The following SLC23A2 variants were observed in gnomAD, a reference collection of about 807,000 sequenced individuals.
The protein encoded by SLC23A2 is solute carrier family 23 member 2.
Under a neutral mutation model 73.3 loss-of-function variants are expected in SLC23A2, and 36 were observed. That is an observed-to-expected ratio of 0.49 (90% CI 0.38 to 0.65). The LOEUF (loss-of-function observed/expected upper bound fraction) is 0.65, where lower values mean the gene tolerates loss of function less well. Ranked by LOEUF, SLC23A2 falls within the 30% of genes least tolerant of loss-of-function variation. The pLI is 0.00. For missense variants in SLC23A2, 507 were observed against 841.6 expected (o/e 0.60, Z 4.92); for synonymous variants, 343 against 327.3 (o/e 1.05, Z -0.52).
At chr20:4,957,907 A>C (rs895305925) in intron 2 of SLC23A2, among the ~76,000 whole-genome samples, 2 of 152,004 alleles carry the variant, frequency 1.3e-5, no homozygotes, top group African/African-American at 4.8e-5. Flanking sequence ...TCTCAAAAAA[A>C]AAAAAAAAAA....
intron 8 of SLC23A2, 64 bp downstream of exon 8, chr20:4,884,689 C>A: frequency 1.8e-6 from 2 of 1,110,378 alleles, no homozygotes; most frequent in South Asian, 2.5e-5. Flanking sequence ...TTTCTTGGGT[C>A]AACCAACATT....
rs2088059656 is a variant in SLC23A2, at chr20:4,998,429, G to T, written c.-282+2977C>A. Among the ~76,000 whole-genome samples the T allele has an allele frequency of 6.6e-6, 1 of 152,190 alleles. No homozygotes were observed. Among genetic ancestry groups the T allele is most frequent in the Admixed American group, 6.5e-5 (1 of 15,268 alleles). On this transcript the variant is annotated intron_variant, in intron 1 of 16. Transcript: ENST00000338244. The surrounding 1 kb of genome is among the most constrained non-coding windows in gnomAD (Gnocchi z 4.1). ...CCTAGAACCTGTGACGAAATAACAG[G>T]TTCAAAATAGCAAAGCCACAGAGAA...
chr20:4,978,355 C>T (rs1157419002), intron 1 of SLC23A2, among the ~76,000 whole-genome samples: 2 of 152,118 alleles, frequency 1.3e-5, no homozygotes, highest in African/African-American at 2.4e-5. Context: ...TCTGTTAACC[C>T]CAAAACTTTC....
At chr20:4,922,152 A>G (rs920780836) in intron 3 of SLC23A2, among the ~76,000 whole-genome samples, 6 of 152,252 alleles carry the variant, frequency 3.9e-5, no homozygotes, top group Non-Finnish European at 5.9e-5. Flanking sequence ...TACCTAGCTT[A>G]GGCAAATAAA....
At chr20:4,961,716 G>A (rs538529658) in intron 2 of SLC23A2, among the ~76,000 whole-genome samples, 6 of 152,266 alleles carry the variant, frequency 3.9e-5, no homozygotes, top group African/African-American at 1.4e-4. Flanking sequence ...ATGATGGGAG[G>A]AGATTTAATT....
intron 2 of SLC23A2, among the ~76,000 whole-genome samples, chr20:4,949,450 G>A (rs982467134): frequency 1.2e-4 from 18 of 152,060 alleles, no homozygotes; most frequent in East Asian, 1.9e-4. Flanking sequence ...AATTTTACTC[G>A]CTGCAGATGA....
rs375810813 is a variant in SLC23A2, at chr20:4,911,842, T to C, written c.207+1038A>G. ...CTTTATTTTATTTTTATTTATGAAT[T>C]TATTTATTTATTTTTTTTAGAGACA... On this transcript the variant is annotated intron_variant, in intron 4 of 16. Coordinates refer to ENST00000338244, the MANE Select transcript of SLC23A2 (RefSeq NM_005116.6). Among the ~76,000 whole-genome samples the C allele has an allele frequency of 7.9e-5, 7 of 88,374 alleles. No individual in the cohort carries two copies. The South Asian group carries it at 1.1e-3, about 14-fold the overall frequency. The allele number at this position is 88,374 out of a possible 152,430, so 58.0% of individuals were successfully genotyped here. A position where few individuals can be genotyped will look rare whatever the true frequency, so the allele number is the denominator to read the frequency against.
At chr20:5,005,039 A>G (rs2088176221), upstream of SLC23A2, among the ~76,000 whole-genome samples, 1 of 150,852 alleles carries the variant, frequency 6.6e-6, no homozygotes, top group African/African-American at 2.4e-5. Context: ...AAATAAATAA[A>G]AATTTAATAG....
At chr20:4,946,132 C>A (rs748228331) in intron 2 of SLC23A2, among the ~76,000 whole-genome samples, 1 of 152,186 alleles carries the variant, frequency 6.6e-6, no homozygotes, top group Non-Finnish European at 1.5e-5. Context: ...GGACTTAATT[C>A]TTTTAAGAGT....
chr20:4,935,885 T>C (rs929470360), intron 2 of SLC23A2, among the ~76,000 whole-genome samples: 1 of 152,204 alleles, frequency 6.6e-6, no homozygotes, highest in Non-Finnish European at 1.5e-5. Context: ...TTTTCAGATA[T>C]GTTGCCATGC....
At position 4,862,995 on chromosome 20, in the gene SLC23A2, C is replaced by A. The variant is rs1457396505; in HGVS notation, c.1357-88G>T. 4 of 1,387,080 alleles carry A rather than the reference C, an allele frequency of 2.9e-6. No individual in the cohort carries two copies. In the African/African-American group the frequency reaches 4.3e-5, roughly 15 times the overall value. 85.9% of individuals were successfully genotyped at this position (1,387,080 alleles called of 1,614,324 possible). A position where few individuals can be genotyped will look rare whatever the true frequency, so the allele number is the denominator to read the frequency against. On this transcript the variant is annotated intron_variant, in intron 13 of 16. Coordinates refer to ENST00000338244, the MANE Select transcript of SLC23A2 (RefSeq NM_005116.6). This position sits in a 1 kb window ranked among gnomAD's most constrained non-coding sequence, Gnocchi z 5.1. ...ACTAAAGAACACACAGCAGAGATACCCATGGCCTGGCTCGCTACCTTCACC... is the reference window on the plus strand; with the variant it reads ...ACTAAAGAACACACAGCAGAGATACACATGGCCTGGCTCGCTACCTTCACC...
At chr20:4,949,970 G>A (rs1040158067) in intron 2 of SLC23A2, among the ~76,000 whole-genome samples, 6 of 152,222 alleles carry the variant, frequency 3.9e-5, no homozygotes, top group African/African-American at 1.4e-4. Flanking sequence ...GCTCTCAGGT[G>A]CTGAAGGAAT....
intron 11 of SLC23A2, among the ~76,000 whole-genome samples, chr20:4,871,782 G>A (rs557552642): frequency 1.3e-5 from 2 of 152,176 alleles, no homozygotes; most frequent in East Asian, 3.9e-4. Flanking sequence ...ATCAGCTCCA[G>A]GTTAATTTGG....
rs1929669959 is a variant in SLC23A2 at position 4,855,217 on chromosome 20, G to A, written c.*1755C>T. On this transcript the variant is annotated 3_prime_UTR_variant, in exon 17 of 17. Transcript: ENST00000338244. ...CCCCAAACTTCCAAGAGTGAAGGGG[G>A]CTACGGTGACATGGCAATGCTGCAA... 1 of 152,422 alleles carries A rather than the reference G, an allele frequency of 6.6e-6. No individual in the cohort carries two copies. The highest frequency in any genetic ancestry group is 2.4e-5 in the African/African-American group (1 of 41,448). The allele number at this position is 152,422 out of a possible 1,614,324, so 9.4% of individuals were successfully genotyped here.
chr20:4,873,340 C>T (rs1348425057), intron 11 of SLC23A2, among the ~76,000 whole-genome samples: 1 of 152,146 alleles, frequency 6.6e-6, no homozygotes, highest in African/African-American at 2.4e-5. Flanking sequence ...ACTGGGATCA[C>T]CTACACGGGG....
rs1357630955 is a variant in SLC23A2 at position 4,885,088 on chromosome 20, C to A, written c.572-265G>T. ...TGGTGATACACGTTACTAGCACCAG[C>A]CTCACACAAAAAAACCAACCTTTGC... On this transcript the variant is annotated intron_variant, in intron 7 of 16. Coordinates refer to ENST00000338244, the MANE Select transcript of SLC23A2 (RefSeq NM_005116.6). 4.6e-5 allele frequency among the ~76,000 whole-genome samples: 7 copies of A among 152,262 alleles called. No individual in the cohort carries two copies. In the East Asian group the frequency reaches 1.3e-3, roughly 29 times the overall value.
intron 3 of SLC23A2, among the ~76,000 whole-genome samples, chr20:4,926,947 G>A (rs571251578): frequency 2.6e-5 from 4 of 151,996 alleles, no homozygotes; most frequent in South Asian, 2.1e-4. Context: ...TCTCAGCAAC[G>A]GCCAGATTTG....
chr20:4,857,246 AGCAGC>A lies in SLC23A2; in HGVS notation c.1721-47_1721-43del. On this transcript the variant is annotated intron_variant, in intron 16 of 16. Transcript: ENST00000338244. The surrounding 1 kb of genome is among the most constrained non-coding windows in gnomAD (Gnocchi z 4.0). Reference sequence around the variant, plus strand: ...GATAGAACAAAGGAATGCTTCGTTTAGCAGCTCTACTGAAAATGAAACTGTCGTCA... The same window carrying A: ...GATAGAACAAAGGAATGCTTCGTTTATCTACTGAAAATGAAACTGTCGTCA... 1 of 1,153,552 alleles carries A rather than the reference AGCAGC, an allele frequency of 8.7e-7. No individual in the cohort carries two copies. The highest frequency in any genetic ancestry group is 2.0e-5 in the Admixed American group (1 of 50,202). The allele number at this position is 1,153,552 out of a possible 1,614,324, so 71.5% of individuals were successfully genotyped here.
chr20:4,995,999 A>G (rs1015927472), intron 1 of SLC23A2, among the ~76,000 whole-genome samples: 1 of 152,188 alleles, frequency 6.6e-6, no homozygotes, highest in Non-Finnish European at 1.5e-5. Flanking sequence ...AACAGAATTC[A>G]AGACTCAGGA....
Sources: gnomAD v4.1 joint callset for allele counts (sites outside exome capture counted in the v4.1 genomes callset) on GRCh38, gnomAD v4.1.1 for gene constraint, Gnocchi (gnomAD v3.1) non-coding constraint, MANE v1.5 for transcripts, NCBI Gene and HGNC (gene_info 2026-07-23, HGNC 2026-07-21) for gene names.